Variants in PLCB4 observed in about 807,000 individuals in gnomAD.
PLCB4 encodes 1-phosphatidylinositol 4,5-bisphosphate phosphodiesterase beta-4.
A neutral mutation model predicts 178.8 loss-of-function variants in PLCB4; 77 were observed. That is an observed-to-expected ratio of 0.43 (90% CI 0.36 to 0.52). The LOEUF (loss-of-function observed/expected upper bound fraction) is 0.52. PLCB4 is among the 20% of genes least tolerant of loss of function. PLCB4 has a pLI of 0.00. For synonymous variants in PLCB4, 496 were observed against 490.8 expected (o/e 1.01, Z -0.14); for missense variants, 1,024 against 1,453.4 (o/e 0.70, Z 4.80).
rs568928932 is a variant in PLCB4 at position 9,191,970 on chromosome 20, C to G, written c.-78-25420C>G. 2.6e-3 allele frequency among the ~76,000 whole-genome samples: 393 copies of G among 151,692 alleles called. 1 individual carries two copies. The highest frequency in any genetic ancestry group is 5.7e-3 in the African/African-American group (236 of 41,334). ...CTCCTCTGTCATTTTTCTGCCAAAC[C>G]CTTCTGACTTTTTAGCTGTGCTACC... On this transcript the variant is annotated intron_variant, in intron 2 of 39. Coordinates refer to ENST00000378473, the MANE Select transcript of PLCB4 (RefSeq NM_001377142.1).
At chr20:9,112,919 C>T (rs570705372) in intron 2 of PLCB4, among the ~76,000 whole-genome samples, 6 of 151,884 alleles carry the variant, frequency 4.0e-5, no homozygotes, top group East Asian at 3.9e-4. Flanking sequence ...CAAATTGGTA[C>T]GTATAAAATT....
intron 13 of PLCB4, 127 bp downstream of exon 13, chr20:9,380,289 T>A: frequency 1.9e-6 from 1 of 533,416 alleles, no homozygotes; most frequent in South Asian, 3.1e-5. Flanking sequence ...ATGACTATTT[T>A]TTTTTCCTGC....
chr20:9,450,658 C>CTTTTTTTTTTTTTTTTT (rs60982044), intron 32 of PLCB4, among the ~76,000 whole-genome samples: 48 of 100,250 alleles, frequency 4.8e-4, no homozygotes, highest in South Asian at 6.5e-4. Context: ...CTTTTCTTTT[C>CTTTTTTTTTTTTTTTTT]TTTTTTTTTT....
chr20:9,301,286 C>T (rs2094700086), intron 3 of PLCB4, among the ~76,000 whole-genome samples: 1 of 151,864 alleles, frequency 6.6e-6, no homozygotes, highest in Admixed American at 6.6e-5. Flanking sequence ...ATTTATTCAG[C>T]CTGCCATACC....
rs140196189 is a variant in PLCB4, at chr20:9,409,072, A to G, written c.1890A>G (p.Gln630=). ...TAAGTTACAGTTATAACAAACGGCA[A>G]ATGAGTCGCATTTACCCCAAGGGAG... The part of the protein sequence containing the change: ...AIEFVNYNKR[Q]MSRIYPKGGR... The change falls in exon 24 of 40, where the codon CAA becomes CAG. Residue 630 remains glutamine (Q), a synonymous_variant. Transcript: ENST00000378473. 3 of 1,610,418 alleles carry G rather than the reference A, an allele frequency of 1.9e-6. No individual in the cohort carries two copies. Among genetic ancestry groups the G allele is most frequent in the African/African-American group, 1.3e-5 (1 of 74,656 alleles).
intron 4 of PLCB4, among the ~76,000 whole-genome samples, chr20:9,316,876 A>T (rs764218854): frequency 6.6e-6 from 1 of 152,214 alleles, no homozygotes; most frequent in Admixed American, 6.5e-5. Context: ...TGATAATATT[A>T]TCTGGTCTCT....
rs2206389 is a variant in PLCB4, at chr20:9,472,920, T to C, written c.3408+73T>C. ...AACAATAACATGCTTAGCCACCAGA[T>C]CTCTAGCTAATTTGTTTAATTTGAT... On this transcript the variant is annotated intron_variant, in intron 37 of 39. Coordinates refer to ENST00000378473, the MANE Select transcript of PLCB4 (RefSeq NM_001377142.1). The C allele has an allele frequency of 0.99, 789,826 of 799,902 alleles. 389,969 individuals are homozygous for C. Among genetic ancestry groups the C allele is most frequent in the East Asian group, 1 (38,274 of 38,274 alleles). 49.6% of individuals were successfully genotyped at this position (799,902 alleles called of 1,614,324 possible).
chr20:9,071,223 A>G (rs1221186338), intron 1 of PLCB4, among the ~76,000 whole-genome samples: 1 of 152,226 alleles, frequency 6.6e-6, no homozygotes. Flanking sequence ...GAGTCCATTC[A>G]GTGCCCGTAG....
intron 2 of PLCB4, among the ~76,000 whole-genome samples, chr20:9,113,839 C>G (rs1351375561): frequency 6.6e-6 from 1 of 152,068 alleles, no homozygotes; most frequent in Non-Finnish European, 1.5e-5. Context: ...TTGAGTCAGA[C>G]ATATATACCT....
At chr20:9,285,183 T>C (rs1274401200) in intron 3 of PLCB4, among the ~76,000 whole-genome samples, 3 of 151,900 alleles carry the variant, frequency 2.0e-5, no homozygotes, top group African/African-American at 4.8e-5. Flanking sequence ...GTAAACAATT[T>C]AGAAATTTTT....
At chr20:9,074,420 C>T (rs1181932107) in intron 1 of PLCB4, among the ~76,000 whole-genome samples, 1 of 152,170 alleles carries the variant, frequency 6.6e-6, no homozygotes, top group East Asian at 1.9e-4. Flanking sequence ...CAATTAAAAG[C>T]ATGTTTAACA....
At chr20:9,096,781 G>A (rs1254514329) in intron 2 of PLCB4, among the ~76,000 whole-genome samples, 1 of 152,118 alleles carries the variant, frequency 6.6e-6, no homozygotes, top group Non-Finnish European at 1.5e-5. Flanking sequence ...TTTTCAGTGT[G>A]TGGATTGTGA....
At chr20:9,441,359 C>T (rs1337130469) in intron 30 of PLCB4, among the ~76,000 whole-genome samples, 1 of 152,134 alleles carries the variant, frequency 6.6e-6, no homozygotes, top group Non-Finnish European at 1.5e-5. Flanking sequence ...AAACTCTACT[C>T]CAGGAGCCTT....
intron 1 of PLCB4, among the ~76,000 whole-genome samples, chr20:9,074,621 A>T (rs1349959645): frequency 6.6e-6 from 1 of 152,136 alleles, no homozygotes; most frequent in Non-Finnish European, 1.5e-5. Context: ...CAGGACCACC[A>T]TGAAGTACCA....
At chr20:9,407,433 A>G (rs1328535080) in intron 21 of PLCB4, among the ~76,000 whole-genome samples, 2 of 150,740 alleles carry the variant, frequency 1.3e-5, no homozygotes, top group Non-Finnish European at 2.9e-5. Context: ...GCAGTGGCAC[A>G]ATCTCAGCTC....
At chr20:9,411,534 G>T (rs2039859976) in intron 25 of PLCB4, among the ~76,000 whole-genome samples, 1 of 152,060 alleles carries the variant, frequency 6.6e-6, no homozygotes, top group Non-Finnish European at 1.5e-5. Flanking sequence ...ATAAACCTTT[G>T]TCCTCTACTG....
At chr20:9,344,266 C>G (rs535442548) in intron 7 of PLCB4, among the ~76,000 whole-genome samples, 1 of 152,198 alleles carries the variant, frequency 6.6e-6, no homozygotes, top group Non-Finnish European at 1.5e-5. Flanking sequence ...CTTTCTCCCC[C>G]ACAGCCCTCA....
chr20:9,187,316 G>C lies in PLCB4; in HGVS notation c.-78-30074G>C, dbSNP rs370131457. Among the ~76,000 whole-genome samples the C allele has an allele frequency of 7.9e-5, 12 of 152,088 alleles. No homozygotes were observed. In the East Asian group the frequency reaches 2.1e-3, roughly 27 times the overall value. On this transcript the variant is annotated intron_variant, in intron 2 of 39. Transcript: ENST00000378473. ...CACAGCCATGCCTCCACCCACTGCC[G>C]TGCTCTCTCTTCAAGAAACACCAGC...
At chr20:9,175,133 C>T (rs2093132861) in intron 2 of PLCB4, among the ~76,000 whole-genome samples, 1 of 152,156 alleles carries the variant, frequency 6.6e-6, no homozygotes, top group Non-Finnish European at 1.5e-5. Context: ...GCTGGAAATG[C>T]ACGTTGTCAG....
Sources: allele counts gnomAD v4.1 joint callset (sites outside exome capture counted in the v4.1 genomes callset), GRCh38; gene constraint gnomAD v4.1.1; transcripts MANE v1.5; gene names NCBI Gene and HGNC (gene_info 2026-07-23, HGNC 2026-07-21).